TNN: variants seen among roughly 807,000 people sequenced by gnomAD.
TNN encodes the protein tenascin N.
Under a neutral mutation model 134.4 loss-of-function variants are expected in TNN, and 122 were observed. The observed-to-expected ratio is 0.91, with a 90% CI of 0.78 to 1.06. The LOEUF (loss-of-function observed/expected upper bound fraction) is 1.06, where lower values mean the gene tolerates loss of function less well. Ranked by LOEUF, TNN falls within the 50% of genes least tolerant of loss-of-function variation. TNN has a pLI of 0.00. For missense variants in TNN, 1,739 were observed against 1,699.4 expected, an observed-to-expected ratio of 1.02 and a Z score of -0.41; for synonymous variants, 710 against 670.3, an observed-to-expected ratio of 1.06 and a Z score of -0.91.
In TNN at chr1:175,117,012, G is replaced by C. The variant is rs376852481; in HGVS notation, c.2193G>C (p.Val731=). The C allele has an allele frequency of 6.2e-7, 1 of 1,614,220 alleles. No homozygotes were observed. The highest frequency in any genetic ancestry group is 1.1e-5 in the South Asian group (1 of 91,086). ...TGGCCACTGTCTCCTGGGACCCGGT[G>C]CGGGCCACCATTGACAGGTATGTGG... The part of the protein sequence containing the change: ...ENMATVSWDP[V]RATIDRYVVR... Residue 731 remains valine (V), a synonymous_variant, in exon 10 of 19, where the codon GTG becomes GTC. Coordinates refer to ENST00000239462, the MANE Select transcript of TNN (RefSeq NM_022093.2).
Position 175,135,836 on chromosome 1 carries a change from CCTT to C in TNN, c.3331-6_3331-4del. Reference sequence around the variant, plus strand: ...AGGGTCAGAGTGAAGTATTCATCTTCCTTCTCAGGTCTTCCAGAGGCGGAACAC... The same window carrying C: ...AGGGTCAGAGTGAAGTATTCATCTTCCTCAGGTCTTCCAGAGGCGGAACAC... On this transcript the variant is annotated splice_region_variant and splice_polypyrimidine_tract_variant and intron_variant, in intron 15 of 18. Coordinates refer to ENST00000239462, the MANE Select transcript of TNN (RefSeq NM_022093.2). The C allele has an allele frequency of 6.2e-7, 1 of 1,610,098 alleles. No individual in the cohort carries two copies. Among genetic ancestry groups the C allele is most frequent in the Non-Finnish European group, 8.5e-7 (1 of 1,176,440 alleles).
intron 10 of TNN, among the ~76,000 whole-genome samples, chr1:175,118,153 G>A (rs141649443): frequency 2.0e-4 from 31 of 152,290 alleles, no homozygotes; most frequent in African/African-American, 7.5e-4. Context: ...AGTATGAAAT[G>A]GGAGGTCTTT....
intron 15 of TNN, among the ~76,000 whole-genome samples, chr1:175,129,286 G>A (rs1035464835): frequency 3.3e-5 from 5 of 152,158 alleles, no homozygotes; most frequent in Non-Finnish European, 7.4e-5. Flanking sequence ...GTCTGGGTCT[G>A]TTTAGTAAAC....
intron 15 of TNN, among the ~76,000 whole-genome samples, chr1:175,132,404 C>T (rs183385643): frequency 4.4e-4 from 67 of 152,122 alleles, no homozygotes; most frequent in East Asian, 9.7e-4. Context: ...CCAGCACTCA[C>T]GAAATGATTG....
intron 12 of TNN, among the ~76,000 whole-genome samples, chr1:175,125,183 A>G (rs1558368987): frequency 6.6e-6 from 1 of 152,262 alleles, no homozygotes; most frequent in African/African-American, 2.4e-5. Flanking sequence ...TTGTCAAAAC[A>G]TCCTAATTCA....
At chr1:175,127,865 G>T (rs749382733) in intron 13 of TNN, among the ~76,000 whole-genome samples, 167 bp from the exon 14 acceptor site, 1 of 152,208 alleles carries the variant, frequency 6.6e-6, no homozygotes, top group Non-Finnish European at 1.5e-5. Context: ...CAGAGAAGTG[G>T]CTGGGACCCA....
At chr1:175,109,189 C>T (rs551069845) in intron 9 of TNN, among the ~76,000 whole-genome samples, 186 of 143,410 alleles carry the variant, frequency 1.3e-3, no homozygotes, top group African/African-American at 4.5e-3. Flanking sequence ...CCCGGGTTCA[C>T]GCCATTCTCC....
intron 2 of TNN, among the ~76,000 whole-genome samples, chr1:175,078,769 T>C (rs1243454652): frequency 4.6e-5 from 7 of 152,208 alleles, no homozygotes; most frequent in Non-Finnish European, 8.8e-5. Context: ...GGAGCCTGGT[T>C]AAATCCCTTC....
At chr1:175,088,191 T>C (rs1003224910) in intron 6 of TNN, among the ~76,000 whole-genome samples, 1 of 152,144 alleles carries the variant, frequency 6.6e-6, no homozygotes, top group Non-Finnish European at 1.5e-5. Flanking sequence ...CTTCCCCTTG[T>C]TAGGGGGGTG....
chr1:175,080,037 C>T lies in TNN; in HGVS notation c.785-126C>T, dbSNP rs1007102659. 3.3e-5 allele frequency: 43 copies of T among 1,283,872 alleles called. 1 individual carries two copies. In the Admixed American group the frequency reaches 8.2e-4, roughly 25 times the overall value. 79.5% of individuals were successfully genotyped at this position (1,283,872 alleles called of 1,614,324 possible). ...CGTTCGGATAATAACTTCTAGGGGT[C>T]GGGAATGGCGCCTTACACAGGTCTG... On this transcript the variant is annotated intron_variant, in intron 3 of 18. Transcript: ENST00000239462.
intron 6 of TNN, among the ~76,000 whole-genome samples, chr1:175,088,703 A>G (rs1644528278): frequency 6.6e-6 from 1 of 152,206 alleles, no homozygotes; most frequent in African/African-American, 2.4e-5. Context: ...CCTTGCCATT[A>G]TTTCTAGCCA....
chr1:175,069,007 G>A (rs1342181480), intron 1 of TNN, among the ~76,000 whole-genome samples: 1 of 152,166 alleles, frequency 6.6e-6, no homozygotes, highest in African/African-American at 2.4e-5. Context: ...GGAGAGATCT[G>A]GGGGAAGGAT....
intron 17 of TNN, among the ~76,000 whole-genome samples, chr1:175,137,290 T>C (rs1675837397): frequency 6.6e-6 from 1 of 152,146 alleles, no homozygotes; most frequent in South Asian, 2.1e-4. Flanking sequence ...GCCCATATTC[T>C]GAACAATTTC....
At chr1:175,138,503 T>C (rs1675871340) in intron 17 of TNN, among the ~76,000 whole-genome samples, 1 of 151,944 alleles carries the variant, frequency 6.6e-6, no homozygotes, top group Non-Finnish European at 1.5e-5. Context: ...CCTACCAGAG[T>C]ATGAGGCATT....
intron 2 of TNN, 96 bp downstream of exon 2, chr1:175,077,923 G>T: frequency 7.9e-7 from 1 of 1,264,544 alleles, no homozygotes; most frequent in South Asian, 1.5e-5. Flanking sequence ...TTGTGACTCT[G>T]GTGTGCTCCT....
rs114193422 is a variant in TNN at position 175,105,881 on chromosome 1, T to C, written c.2119+7286T>C. On this transcript the variant is annotated intron_variant, in intron 9 of 18. Transcript: ENST00000239462. ...ACCTGCAATGGTCCTGGGACCCTGC[T>C]GATCAGAATAGTTGCATTCACCAAT... is the stretch of plus-strand genomic sequence containing the variant. Among the ~76,000 whole-genome samples the C allele has an allele frequency of 6.2e-3, 904 of 145,870 alleles. 78 individuals are homozygous for C. Among genetic ancestry groups the C allele is most frequent in the African/African-American group, 0.021 (845 of 40,578 alleles).
intron 10 of TNN, among the ~76,000 whole-genome samples, chr1:175,118,321 A>T (rs933837527): frequency 2.0e-5 from 3 of 152,124 alleles, no homozygotes; most frequent in Non-Finnish European, 4.4e-5. Context: ...TTTGCTAAAG[A>T]CTTGGTAGAG....
chr1:175,074,484 G>GAAAAAAAAAAAA (rs55952749), intron 1 of TNN, among the ~76,000 whole-genome samples: 2 of 119,020 alleles, frequency 1.7e-5, no homozygotes. Flanking sequence ...GATCCTGTCT[G>GAAAAAAAAAAAA]AAAAAAAAAA....
chr1:175,109,765 G>C (rs555709948), intron 9 of TNN, among the ~76,000 whole-genome samples: 2 of 151,370 alleles, frequency 1.3e-5, no homozygotes, highest in African/African-American at 2.4e-5. Context: ...CTAGTGGACA[G>C]TTAGGTTAAT....
Sources: gnomAD v4.1 joint callset for allele counts (sites outside exome capture counted in the v4.1 genomes callset) on GRCh38, gnomAD v4.1.1 for gene constraint, MANE v1.5 for transcripts, NCBI Gene and HGNC (gene_info 2026-07-23, HGNC 2026-07-21) for gene names.